The following MIR2052HG variants were observed in gnomAD, a reference collection of about 807,000 sequenced individuals.
MIR2052HG encodes the protein MIR2052 host gene.
At chr8:74,648,930 T>C (rs1469105737) in intron 2 of MIR2052HG, among the ~76,000 whole-genome samples, 2 of 152,130 alleles carry the variant, frequency 1.3e-5, no homozygotes, top group Non-Finnish European at 2.9e-5. Flanking sequence ...GAACATTCAA[T>C]TTTCCTTGGC....
At chr8:74,727,657 A>AT (rs924231377) in intron 4 of MIR2052HG, among the ~76,000 whole-genome samples, 28 of 152,202 alleles carry the variant, frequency 1.8e-4, no homozygotes, top group African/African-American at 6.0e-4. Context: ...CTACTTGCAT[A>AT]TTTTTTTCTA....
chr8:74,691,697 G>A (rs554671790), intron 2 of MIR2052HG, among the ~76,000 whole-genome samples: 8 of 152,214 alleles, frequency 5.3e-5, no homozygotes, highest in Non-Finnish European at 1.2e-4. Context: ...ATATGAGGTG[G>A]CATATATGGA....
At chr8:74,690,594 C>T (rs535218405) in intron 2 of MIR2052HG, among the ~76,000 whole-genome samples, 7 of 151,514 alleles carry the variant, frequency 4.6e-5, no homozygotes, top group Non-Finnish European at 8.8e-5. Context: ...TTTGCAGATC[C>T]GAGCCGAGAT....
intron 4 of MIR2052HG, among the ~76,000 whole-genome samples, chr8:74,732,075 C>T (rs1207654952): frequency 6.6e-6 from 1 of 152,012 alleles, no homozygotes; most frequent in East Asian, 1.9e-4. Context: ...ATACAGTAGG[C>T]CCATGAGTTC....
intron 2 of MIR2052HG, among the ~76,000 whole-genome samples, chr8:74,645,705 A>G (rs1808684431): frequency 1.3e-5 from 2 of 152,206 alleles, no homozygotes; most frequent in African/African-American, 4.8e-5. Context: ...CTGGTAGCAG[A>G]ATTATCTAGA....
intron 2 of MIR2052HG, among the ~76,000 whole-genome samples, chr8:74,681,025 G>T (rs1210573883): frequency 1.5e-5 from 2 of 135,636 alleles, no homozygotes; most frequent in South Asian, 2.4e-4. Flanking sequence ...AGAACACATG[G>T]ACACAGGAAG....
intron 4 of MIR2052HG, among the ~76,000 whole-genome samples, chr8:74,744,999 T>A (rs546443774): frequency 6.6e-6 from 1 of 152,286 alleles, no homozygotes; most frequent in African/African-American, 2.4e-5. Flanking sequence ...GTGTGGTGGA[T>A]CATTCCTGTA....
At chr8:74,604,282 C>A in intron 1 of MIR2052HG, 3 of 750,860 alleles carry the variant, frequency 4.0e-6, no homozygotes, top group South Asian at 2.7e-5. Flanking sequence ...TTTGAGTGGT[C>A]AAGTCTTTGG....
chr8:74,722,052 T>C (rs766907205), intron 4 of MIR2052HG, among the ~76,000 whole-genome samples: 1 of 152,152 alleles, frequency 6.6e-6, no homozygotes, highest in Admixed American at 6.5e-5. Context: ...TAGCTGGACA[T>C]GTGGTCATGC....
At chr8:74,758,337 A>C (rs959324232) in intron 6 of MIR2052HG, 1 of 152,146 alleles carries the variant, frequency 6.6e-6, no homozygotes, top group Non-Finnish European at 1.5e-5. Context: ...AAAATTGTCC[A>C]GAAAGAACCA....
intron 2 of MIR2052HG, among the ~76,000 whole-genome samples, chr8:74,640,945 G>A (rs1270007115): frequency 6.6e-6 from 1 of 152,196 alleles, no homozygotes; most frequent in Non-Finnish European, 1.5e-5. Flanking sequence ...TTTGCCAAAA[G>A]ACTTAGAGCA....
intron 2 of MIR2052HG, among the ~76,000 whole-genome samples, chr8:74,618,777 C>A (rs1808320173): frequency 6.6e-6 from 1 of 152,148 alleles, no homozygotes; most frequent in African/African-American, 2.4e-5. Context: ...CAACATAGTA[C>A]TGGAGATTCT....
Position 74,627,767 on chromosome 8 carries a change from C to A in MIR2052HG, n.216+14827C>A, listed in dbSNP as rs1334279377. Among the ~76,000 whole-genome samples, 6 of 152,200 alleles carry A rather than the reference C, an allele frequency of 3.9e-5. No individual in the cohort carries two copies. The South Asian group carries it at 1.2e-3, about 32-fold the overall frequency. On this transcript the variant is annotated intron_variant and non_coding_transcript_variant, in intron 2 of 6. Transcript: ENST00000523442. ...ACACATGCCTGAATATTTAAGGAAT[C>A]CTCCAGGGTGTCTGAATGTAATTAA...
chr8:74,667,790 C>T (rs1292347410), intron 2 of MIR2052HG, among the ~76,000 whole-genome samples: 2 of 152,096 alleles, frequency 1.3e-5, no homozygotes, highest in Non-Finnish European at 2.9e-5. Context: ...TCAGGAGAAC[C>T]ACCCCTTGTG....
intron 1 of MIR2052HG, among the ~76,000 whole-genome samples, chr8:74,610,344 C>G (rs1808176624): frequency 1.3e-5 from 2 of 151,622 alleles, no homozygotes; most frequent in Non-Finnish European, 3.0e-5. Context: ...AAAATACAAA[C>G]TATACAATAT....
chr8:74,687,920 G>A (rs183249885), intron 2 of MIR2052HG, among the ~76,000 whole-genome samples: 14 of 152,214 alleles, frequency 9.2e-5, no homozygotes, highest in Admixed American at 9.2e-4. Context: ...TATCACTGGT[G>A]TTTGCATATG....
At chr8:74,691,589 T>C (rs1279909489) in intron 2 of MIR2052HG, among the ~76,000 whole-genome samples, 1 of 152,182 alleles carries the variant, frequency 6.6e-6, no homozygotes, top group African/African-American at 2.4e-5. Context: ...TAAACTTAGA[T>C]GAGCCCAATA....
At chr8:74,654,864 G>A (rs1808788570) in intron 2 of MIR2052HG, among the ~76,000 whole-genome samples, 1 of 152,168 alleles carries the variant, frequency 6.6e-6, no homozygotes, top group African/African-American at 2.4e-5. Context: ...ACAGGAAAAT[G>A]TGGGAAAGTT....
rs11986332 is a variant in MIR2052HG, at chr8:74,602,068, C to T, written n.128+2160C>T. Among the ~76,000 whole-genome samples the T allele has an allele frequency of 2.3e-3, 354 of 152,280 alleles. 2 individuals carry two copies. Among genetic ancestry groups the T allele is most frequent in the African/African-American group, 7.8e-3 (324 of 41,562 alleles). ...AATGAGACTGACACCTACTGGGCTGCATTCCCAGGAGGTTAGACACTCTTA... is the reference window on the plus strand; with the variant it reads ...AATGAGACTGACACCTACTGGGCTGTATTCCCAGGAGGTTAGACACTCTTA... On this transcript the variant is annotated intron_variant and non_coding_transcript_variant, in intron 1 of 6. Transcript: ENST00000523442.
Sources: gnomAD v4.1 joint callset for allele counts (sites outside exome capture counted in the v4.1 genomes callset) on GRCh38, gnomAD v4.1.1 for gene constraint, MANE v1.5 for transcripts, NCBI Gene and HGNC (gene_info 2026-07-23, HGNC 2026-07-21) for gene names.